Variants in FGF13 observed in about 807,000 individuals in gnomAD.
The protein encoded by FGF13 is fibroblast growth factor 13, also known as fibroblast growth factor homologous factor 2.
A neutral mutation model predicts 19.5 loss-of-function variants in FGF13; 2 were observed. The observed-to-expected ratio is 0.10, with a 90% CI of 0.04 to 0.32. The LOEUF (loss-of-function observed/expected upper bound fraction) is 0.32. FGF13 is among the 10% of genes least tolerant of loss of function. FGF13 has a pLI of 1.00. For synonymous variants in FGF13, 72 were observed against 76.9 expected, an observed-to-expected ratio of 0.94 and a Z score of 0.33; for missense variants, 113 against 192.7, an observed-to-expected ratio of 0.59 and a Z score of 2.45.
intron 1 of FGF13, among the ~76,000 whole-genome samples, chrX:139,164,056 G>A (rs1365354135): frequency 2.8e-5 from 3 of 108,819 alleles, no homozygotes; most frequent in Non-Finnish European, 5.7e-5. Flanking sequence ...GAAATTTGCA[G>A]GGCAGGCTTG....
intron 3 of FGF13, among the ~76,000 whole-genome samples, chrX:138,811,562 T>G (rs2090925690): frequency 9.0e-6 from 1 of 110,676 alleles, no homozygotes; most frequent in South Asian, 3.9e-4. Flanking sequence ...ACCTGCACAT[T>G]GTGCACATGT....
At chrX:139,159,084 T>C (rs1344231749) in intron 1 of FGF13, among the ~76,000 whole-genome samples, 3 of 111,783 alleles carry the variant, frequency 2.7e-5, no homozygotes, top group South Asian at 3.7e-4. Flanking sequence ...GAGAGAAAGG[T>C]TGGGTTACCC....
chrX:138,681,792 G>A (rs2089731849), intron 3 of FGF13, among the ~76,000 whole-genome samples: 1 of 111,710 alleles, frequency 9.0e-6, no homozygotes, highest in Admixed American at 9.5e-5. Context: ...GAATGGGGAG[G>A]CCTAAGTAGA....
At position 138,772,042 on chromosome X, in the gene FGF13, A is replaced by G. The variant is rs868263089; in HGVS notation, c.218-63114T>C. ...TGTATATATATATATATATATATAT[A>G]TATATATATATATATAGTAAAATCA... On this transcript the variant is annotated intron_variant, in intron 3 of 6. Coordinates refer to the FGF13 transcript ENST00000436198. Among the ~76,000 whole-genome samples, 4 of 94,866 alleles carry G rather than the reference A, an allele frequency of 4.2e-5. No homozygotes were observed. In the South Asian group the frequency reaches 2.1e-3, roughly 50 times the overall value. 82.4% of individuals were successfully genotyped at this position (94,866 alleles called of 115,157 possible). A position where few individuals can be genotyped will look rare whatever the true frequency, so the allele number is the denominator to read the frequency against.
At chrX:138,900,517 C>G (rs974852782) in intron 1 of FGF13, among the ~76,000 whole-genome samples, 1 of 111,314 alleles carries the variant, frequency 9.0e-6, no homozygotes, top group Non-Finnish European at 1.9e-5. Context: ...TCTGATCACT[C>G]TCATCATCCT....
chrX:138,623,971 A>G lies in FGF13; in HGVS notation c.*8879T>C, dbSNP rs180733526. 1 of 111,936 alleles carries G rather than the reference A, an allele frequency of 8.9e-6. No homozygotes were observed. The highest frequency in any genetic ancestry group is 2.8e-4 in the East Asian group (1 of 3,556). The allele number at this position is 111,936 out of a possible 1,213,427, so 9.2% of individuals were successfully genotyped here. On this transcript the variant is annotated 3_prime_UTR_variant, in exon 5 of 5. Coordinates refer to ENST00000315930, the MANE Select transcript of FGF13 (RefSeq NM_004114.5). ...ATAAGTGCAACAGTATCCTGTGTTC[A>G]TAGTTTGGAAGAATTAATTTTGCAA...
intron 1 of FGF13, among the ~76,000 whole-genome samples, chrX:138,994,646 A>G (rs893426727): frequency 2.7e-5 from 3 of 111,037 alleles, no homozygotes; most frequent in Non-Finnish European, 5.6e-5. Flanking sequence ...ATTTGCATCA[A>G]TATTCATACA....
chrX:139,100,502 C>A, intron 1 of FGF13, among the ~76,000 whole-genome samples: 1 of 110,203 alleles, frequency 9.1e-6, no homozygotes, highest in African/African-American at 3.3e-5. Context: ...GAAGCCCAAA[C>A]CCCAAAAGAT....
intron 1 of FGF13, among the ~76,000 whole-genome samples, chrX:139,052,367 A>G (rs1444523571): frequency 8.9e-6 from 1 of 112,422 alleles, no homozygotes; most frequent in Non-Finnish European, 1.9e-5. Context: ...AGAACTGAGC[A>G]TCCTGGAAAT....
intron 1 of FGF13, among the ~76,000 whole-genome samples, chrX:139,123,075 G>A (rs780640692): frequency 4.0e-4 from 44 of 110,365 alleles, no homozygotes; most frequent in East Asian, 1.4e-3. Context: ...AATCACCCCC[G>A]TTGAGAACCA....
At position 138,823,614 on chromosome X, in the gene FGF13, A is replaced by G. The variant is rs1303745696; in HGVS notation, c.217+33898T>C. ...ATGGGATTCAAGCTTCTACTTTTAG[A>G]AGCAAGGGGCACCTTGAATCTATTT... is the stretch of plus-strand genomic sequence containing the variant. On this transcript the variant is annotated intron_variant, in intron 3 of 6. Coordinates refer to the FGF13 transcript ENST00000436198. Among the ~76,000 whole-genome samples the G allele has an allele frequency of 2.7e-5, 3 of 111,943 alleles. No individual in the cohort carries two copies. In the East Asian group the frequency reaches 8.5e-4, roughly 32 times the overall value.
chrX:139,048,454 A>C (rs889060237), intron 1 of FGF13, among the ~76,000 whole-genome samples: 20 of 111,198 alleles, frequency 1.8e-4, no homozygotes, highest in African/African-American at 5.6e-4. Flanking sequence ...CTTCCATAGA[A>C]ACTTTAGAAT....
At chrX:138,978,437 T>A in intron 1 of FGF13, among the ~76,000 whole-genome samples, 1 of 110,203 alleles carries the variant, frequency 9.1e-6, no homozygotes, top group Non-Finnish European at 1.9e-5. Flanking sequence ...TAATTTTTTG[T>A]ATTTTTAGTA....
chrX:138,687,959 T>TA (rs1324833894), intron 3 of FGF13, among the ~76,000 whole-genome samples: 2 of 108,450 alleles, frequency 1.8e-5, no homozygotes, highest in Admixed American at 9.9e-5. Flanking sequence ...TTGGATTTTT[T>TA]TTTTTTTTTT....
chrX:139,089,012 T>C (rs2083422659), intron 1 of FGF13, among the ~76,000 whole-genome samples: 1 of 112,512 alleles, frequency 8.9e-6, no homozygotes. Context: ...GATCTTGGAC[T>C]TTTCAGCCTC....
intron 1 of FGF13, among the ~76,000 whole-genome samples, chrX:138,988,730 T>C (rs2092003296): frequency 8.9e-6 from 1 of 112,046 alleles, no homozygotes; most frequent in South Asian, 3.7e-4. Flanking sequence ...CCTAGCTGCC[T>C]CATTTTAAAA....
At chrX:138,663,355 A>C (rs1324933744) in intron 3 of FGF13, among the ~76,000 whole-genome samples, 1 of 111,818 alleles carries the variant, frequency 8.9e-6, no homozygotes, top group Non-Finnish European at 1.9e-5. Flanking sequence ...ATCACTAATC[A>C]ATCTTGTGTT....
Position 138,617,489 on chromosome X carries a change from A to T in FGF13, c.*15361T>A, listed in dbSNP as rs1419468728. ...AGAGGTGTGGACCAAGCCAAATTAA[A>T]TTGTAACTATAAGTTTTTTAAAATT... On this transcript the variant is annotated 3_prime_UTR_variant, in exon 5 of 5. Transcript: ENST00000315930. The T allele has an allele frequency of 1.8e-5, 2 of 112,213 alleles. No individual in the cohort carries two copies. Among genetic ancestry groups the T allele is most frequent in the Admixed American group, 1.9e-4 (2 of 10,568 alleles). 9.2% of individuals were successfully genotyped at this position (112,213 alleles called of 1,213,427 possible).
At chrX:139,175,365 CCTCT>C (rs2084172128) in intron 1 of FGF13, among the ~76,000 whole-genome samples, 1 of 112,224 alleles carries the variant, frequency 8.9e-6, no homozygotes, top group Non-Finnish European at 1.9e-5. Flanking sequence ...AATTTGACTT[CCTCT>C]CTTTCTATTT....
Sources: allele counts gnomAD v4.1 joint callset (sites outside exome capture counted in the v4.1 genomes callset), GRCh38; gene constraint gnomAD v4.1.1; transcripts MANE v1.5; gene names NCBI Gene and HGNC (gene_info 2026-07-23, HGNC 2026-07-21).